The following PKN2 variants were observed in gnomAD, a reference collection of about 807,000 sequenced individuals.
PKN2 encodes the protein serine/threonine-protein kinase N2.
PKN2 carries 38 observed loss-of-function variants against 119.1 expected under a neutral mutation model. That is an observed-to-expected ratio of 0.32 (90% CI 0.25 to 0.42). The LOEUF is 0.42. PKN2 is among the 10% of genes least tolerant of loss of function. The pLI, the probability that PKN2 is intolerant of heterozygous loss-of-function variation, is 1.00. For missense variants in PKN2, 850 were observed against 1,165.1 expected (o/e 0.73, Z 3.94); for synonymous variants, 390 against 384.9 (o/e 1.01, Z -0.15).
intron 18 of PKN2, among the ~76,000 whole-genome samples, chr1:88,826,815 T>C (rs1375797044): frequency 2.0e-5 from 3 of 152,220 alleles, no homozygotes. Flanking sequence ...ACATAAGTTA[T>C]ATTTCTTCAT....
chr1:88,730,540 G>A lies in PKN2; in HGVS notation c.49-10448G>A, dbSNP rs185291599. On this transcript the variant is annotated intron_variant, in intron 1 of 21. Transcript: ENST00000370521. ...AGTAAAAGCTTTCATCAAAATCCTGGATTTAGTTCTCTTTGATGAAACTTG... is the reference window on the plus strand; with the variant it reads ...AGTAAAAGCTTTCATCAAAATCCTGAATTTAGTTCTCTTTGATGAAACTTG... 1.9e-3 allele frequency among the ~76,000 whole-genome samples: 293 copies of A among 152,336 alleles called. 2 individuals are homozygous for A. The highest frequency in any genetic ancestry group is 6.8e-3 in the African/African-American group (281 of 41,570).
intron 8 of PKN2, among the ~76,000 whole-genome samples, chr1:88,801,365 A>C (rs749672745): frequency 6.6e-6 from 1 of 152,236 alleles, no homozygotes; most frequent in Non-Finnish European, 1.5e-5. Flanking sequence ...AGCCTGGGCA[A>C]TAAGAGTGAA....
chr1:88,818,656 A>G (rs1259054027), intron 16 of PKN2, among the ~76,000 whole-genome samples: 3 of 151,740 alleles, frequency 2.0e-5, no homozygotes, highest in Admixed American at 6.6e-5. Flanking sequence ...TCAAAAAAAA[A>G]AAAAAAAGAA....
rs142636812 is a variant in PKN2 at position 88,799,294 on chromosome 1, G to A, written c.1282-5097G>A. Among the ~76,000 whole-genome samples the A allele has an allele frequency of 7.0e-3, 1,070 of 152,282 alleles. 8 individuals carry two copies. Among genetic ancestry groups the A allele is most frequent in the Non-Finnish European group, 7.0e-3 (478 of 68,032 alleles). Reference sequence around the variant, plus strand: ...GTCTCCATTATCTCTGTCTCCTACTGTTGTCTCTGTATTTCTCATCCTCCC... The same window carrying A: ...GTCTCCATTATCTCTGTCTCCTACTATTGTCTCTGTATTTCTCATCCTCCC... On this transcript the variant is annotated intron_variant, in intron 8 of 21. Transcript: ENST00000370521.
At chr1:88,693,837 T>C (rs1474418483) in intron 1 of PKN2, among the ~76,000 whole-genome samples, 1 of 152,186 alleles carries the variant, frequency 6.6e-6, no homozygotes, top group Non-Finnish European at 1.5e-5. Context: ...CTTACTGTAA[T>C]TGCTTTTCAT....
At chr1:88,790,521 C>G (rs539037200) in intron 8 of PKN2, among the ~76,000 whole-genome samples, 1 of 152,102 alleles carries the variant, frequency 6.6e-6, no homozygotes, top group South Asian at 2.1e-4. Context: ...GTATTACAGT[C>G]GAGAATTCTG....
intron 8 of PKN2, among the ~76,000 whole-genome samples, chr1:88,800,391 A>G (rs1671256862): frequency 6.6e-6 from 1 of 152,226 alleles, no homozygotes. Context: ...TGTACACTAT[A>G]TAACTTCCCA....
intron 19 of PKN2, among the ~76,000 whole-genome samples, chr1:88,831,865 T>TCTGGCTCCA: frequency 6.6e-6 from 1 of 152,028 alleles, no homozygotes; most frequent in Admixed American, 6.6e-5. Flanking sequence ...AAAAAATGAC[T>TCTGGCTCCA]GAGTGATTTT....
At chr1:88,763,378 C>T (rs958506636) in intron 3 of PKN2, among the ~76,000 whole-genome samples, 2 of 152,110 alleles carry the variant, frequency 1.3e-5, no homozygotes, top group Non-Finnish European at 2.9e-5. Flanking sequence ...AAGGCCGAGG[C>T]AGGTGGATCA....
chr1:88,712,818 C>A (rs1198901372), intron 1 of PKN2, among the ~76,000 whole-genome samples: 4 of 152,126 alleles, frequency 2.6e-5, no homozygotes, highest in African/African-American at 9.7e-5. Flanking sequence ...GGTACATGTG[C>A]ACAACGTGCA....
At chr1:88,699,752 T>C (rs191084270) in intron 1 of PKN2, among the ~76,000 whole-genome samples, 1 of 152,082 alleles carries the variant, frequency 6.6e-6, no homozygotes, top group Non-Finnish European at 1.5e-5. Context: ...GCAAAGGACA[T>C]GATATTGTTC....
chr1:88,698,418 G>A (rs1666627794), intron 1 of PKN2, among the ~76,000 whole-genome samples: 1 of 152,094 alleles, frequency 6.6e-6, no homozygotes, highest in African/African-American at 2.4e-5. Context: ...TATTCTTTAT[G>A]GTTGTTTTTC....
At chr1:88,785,838 A>G (rs895684673) in intron 7 of PKN2, among the ~76,000 whole-genome samples, 1 of 152,198 alleles carries the variant, frequency 6.6e-6, no homozygotes, top group South Asian at 2.1e-4. Context: ...AACAACTACT[A>G]TTTATCTGTT....
At chr1:88,707,233 T>G (rs1667038124) in intron 1 of PKN2, among the ~76,000 whole-genome samples, 2 of 152,156 alleles carry the variant, frequency 1.3e-5, no homozygotes, top group Admixed American at 1.3e-4. Flanking sequence ...ATGTAAGCCC[T>G]ACTTTTTTTG....
chr1:88,747,355 C>T (rs559672620), intron 2 of PKN2, among the ~76,000 whole-genome samples: 2 of 152,216 alleles, frequency 1.3e-5, no homozygotes, highest in South Asian at 2.1e-4. Flanking sequence ...TGAAACATCA[C>T]ATTATACCCC....
At chr1:88,754,041 T>G (rs886799278) in intron 2 of PKN2, among the ~76,000 whole-genome samples, 4 of 152,188 alleles carry the variant, frequency 2.6e-5, no homozygotes, top group African/African-American at 9.7e-5. Flanking sequence ...TGTTCTGAAG[T>G]TTTACCATGA....
intron 10 of PKN2, 37 bp downstream of exon 10, chr1:88,804,958 T>C: frequency 1.0e-6 from 1 of 993,332 alleles, no homozygotes; most frequent in Non-Finnish European, 1.6e-6. Flanking sequence ...CATTTTGATA[T>C]TTTCTTAAAC....
chr1:88,807,737 A>G lies in PKN2; in HGVS notation c.2064A>G (p.Leu688=). The G allele has an allele frequency of 2.5e-6, 4 of 1,602,196 alleles. No homozygotes were observed. Among genetic ancestry groups the G allele is most frequent in the Non-Finnish European group, 3.4e-6 (4 of 1,173,374 alleles). The change falls in exon 15 of 22, where the codon TTA becomes TTG. Residue 688 remains leucine (L), a synonymous_variant. Coordinates refer to ENST00000370521, the MANE Select transcript of PKN2 (RefSeq NM_006256.4). ...NTNEMFAIKA[L]KKGDIVARDE... Reference sequence around the variant, plus strand: ...ATGAGATGTTTGCTATAAAAGCCTTAAAGAAAGGAGATATTGTGGCTCGAG... The same window carrying G: ...ATGAGATGTTTGCTATAAAAGCCTTGAAGAAAGGAGATATTGTGGCTCGAG...
intron 16 of PKN2, among the ~76,000 whole-genome samples, chr1:88,820,235 A>ATAT (rs1672216340): frequency 8.6e-5 from 8 of 93,500 alleles, no homozygotes; most frequent in African/African-American, 2.4e-4. Context: ...TATATATATA[A>ATAT]ATAGAAAAAA....
Sources: gnomAD v4.1 joint callset for allele counts (sites outside exome capture counted in the v4.1 genomes callset) on GRCh38, gnomAD v4.1.1 for gene constraint, MANE v1.5 for transcripts, NCBI Gene and HGNC (gene_info 2026-07-23, HGNC 2026-07-21) for gene names.